REDIC1: variants seen among roughly 807,000 people sequenced by gnomAD.
REDIC1 encodes the protein HEI10 Interacting Protein 1.
chr12:39,697,828 C>A, the REDIC1 span, among the ~76,000 whole-genome samples: 1 of 151,668 alleles, frequency 6.6e-6, no homozygotes, highest in Non-Finnish European at 1.5e-5. Flanking sequence ...AAAAGGAAGA[C>A]AAGAAGGAAG....
At chr12:39,849,150 A>G in the REDIC1 span, among the ~76,000 whole-genome samples, 1 of 152,146 alleles carries the variant, frequency 6.6e-6, no homozygotes, top group East Asian at 1.9e-4. Context: ...ACAAACCTTC[A>G]CATGTACCAC....
the REDIC1 span, among the ~76,000 whole-genome samples, chr12:39,727,353 TC>T: frequency 4.5e-3 from 685 of 152,320 alleles, 14 homozygotes; most frequent in East Asian, 0.07. Context: ...GGGTCCAGTT[TC>T]AGTTTTCTGC....
the REDIC1 span, chr12:39,683,280 A>G: frequency 1.8e-6 from 2 of 1,132,154 alleles, no homozygotes; most frequent in Non-Finnish European, 1.3e-6. Flanking sequence ...AACCAAAAAT[A>G]GAATGGCTTC....
At chr12:39,767,447 C>T in the REDIC1 span, among the ~76,000 whole-genome samples, 109,034 of 151,750 alleles carry the variant, frequency 0.72, 41,167 homozygotes, top group Non-Finnish European at 0.84. Context: ...CTTAAGGGCT[C>T]TAGGATTTTT....
At chr12:39,831,024 A>G in the REDIC1 span, among the ~76,000 whole-genome samples, 1 of 152,302 alleles carries the variant, frequency 6.6e-6, no homozygotes, top group East Asian at 1.9e-4. Flanking sequence ...AGCCTACATC[A>G]TGCTTATAGA....
At chr12:39,744,776 A>T in the REDIC1 span, among the ~76,000 whole-genome samples, 3 of 152,220 alleles carry the variant, frequency 2.0e-5, no homozygotes, top group Non-Finnish European at 1.5e-5. Flanking sequence ...GGCAGAAAAA[A>T]GGTGGAAGAC....
chr12:39,770,033 T>C, the REDIC1 span, among the ~76,000 whole-genome samples: 1 of 152,098 alleles, frequency 6.6e-6, no homozygotes, highest in East Asian at 1.9e-4. Context: ...TTCTCTTCCC[T>C]CTTTGCTTTT....
chr12:39,770,456 C>G, the REDIC1 span, among the ~76,000 whole-genome samples: 1 of 152,140 alleles, frequency 6.6e-6, no homozygotes, highest in African/African-American at 2.4e-5. Context: ...ATATAATGAG[C>G]ACTTTTTATG....
At chr12:39,878,428 C>T in the REDIC1 span, among the ~76,000 whole-genome samples, 5 of 152,282 alleles carry the variant, frequency 3.3e-5, no homozygotes, top group South Asian at 1.0e-3. Context: ...CTGCTGAGGT[C>T]TCAGGTAGAA....
At chr12:39,725,443 A>G in the REDIC1 span, among the ~76,000 whole-genome samples, 168 of 152,232 alleles carry the variant, frequency 1.1e-3, 1 homozygote, top group African/African-American at 3.9e-3. Context: ...CCATATGCTC[A>G]ACTATTTTCC....
At chr12:39,729,101 A>G in the REDIC1 span, among the ~76,000 whole-genome samples, 2 of 152,016 alleles carry the variant, frequency 1.3e-5, no homozygotes, top group African/African-American at 4.8e-5. Flanking sequence ...AATCTTTTCA[A>G]AAAACCAGCT....
chr12:39,713,492 G>C, the REDIC1 span, among the ~76,000 whole-genome samples: 1 of 149,360 alleles, frequency 6.7e-6, no homozygotes, highest in Non-Finnish European at 1.5e-5. Flanking sequence ...TTATACATTT[G>C]TACACATACA....
At chr12:39,763,258 A>G in the REDIC1 span, among the ~76,000 whole-genome samples, 2 of 152,104 alleles carry the variant, frequency 1.3e-5, no homozygotes, top group Non-Finnish European at 2.9e-5. Flanking sequence ...AATATTTCAA[A>G]TGTCTTAAGT....
chr12:39,899,654 G>A, the REDIC1 span, among the ~76,000 whole-genome samples: 44 of 152,156 alleles, frequency 2.9e-4, 1 homozygote, highest in East Asian at 5.8e-3. Context: ...TGCTTTGAAT[G>A]TGTCCCAGAG....
the REDIC1 span, chr12:39,829,485 C>G: frequency 2.3e-5 from 2 of 86,070 alleles, 1 homozygote; most frequent in East Asian, 7.9e-4. Flanking sequence ...CAGCTCACTG[C>G]AATCTCTATC....
the REDIC1 span, among the ~76,000 whole-genome samples, chr12:39,803,198 C>G: frequency 1.6e-5 from 1 of 62,078 alleles, no homozygotes; most frequent in Non-Finnish European, 3.2e-5. Flanking sequence ...CTAAAAGAAG[C>G]AAATGCAAAA....
the REDIC1 span, among the ~76,000 whole-genome samples, chr12:39,859,167 C>G: frequency 2.0e-5 from 3 of 151,912 alleles, no homozygotes; most frequent in Admixed American, 1.3e-4. Flanking sequence ...TTTTGGGGAA[C>G]TTCATCTGAA....
At chr12:39,714,059 G>C in the REDIC1 span, among the ~76,000 whole-genome samples, 1 of 138,914 alleles carries the variant, frequency 7.2e-6, no homozygotes, top group African/African-American at 2.6e-5. Context: ...GTATATACAC[G>C]TATGTGTATA....
chr12:39,739,547 A>T, the REDIC1 span, among the ~76,000 whole-genome samples: 10 of 152,306 alleles, frequency 6.6e-5, no homozygotes, highest in South Asian at 4.1e-4. Context: ...ATTGATTAAT[A>T]TTGAGTTAAA....
Sources: allele counts gnomAD v4.1 joint callset (sites outside exome capture counted in the v4.1 genomes callset), GRCh38; gene constraint gnomAD v4.1.1; transcripts MANE v1.5; gene names NCBI Gene and HGNC (gene_info 2026-07-23, HGNC 2026-07-21).